The following GPC6 variants were observed in gnomAD, a reference collection of about 807,000 sequenced individuals.
The protein encoded by GPC6 is glypican 6.
A neutral mutation model predicts 55.2 loss-of-function variants in GPC6; 14 were observed. That is an observed-to-expected ratio of 0.25 (90% CI 0.17 to 0.40). The LOEUF (loss-of-function observed/expected upper bound fraction) is 0.40, where lower values mean the gene tolerates loss of function less well. Among genes scored for constraint, GPC6 ranks in the 10% least tolerant of loss-of-function variants. The probability of loss-of-function intolerance (pLI) is 1.00; values close to 1 mark genes in which losing one functional copy is unlikely to be tolerated. For synonymous variants in GPC6, 278 were observed against 259.6 expected (o/e 1.07, Z -0.68); for missense variants, 641 against 708.5 (o/e 0.90, Z 1.08).
chr13:93,963,319 CTT>C (rs539965711), intron 3 of GPC6, among the ~76,000 whole-genome samples: 11 of 151,970 alleles, frequency 7.2e-5, no homozygotes, highest in Non-Finnish European at 1.6e-4. Context: ...CAAATAAACT[CTT>C]TTACTCATTT....
chr13:93,437,816 A>G (rs1412004040), intron 1 of GPC6, among the ~76,000 whole-genome samples: 2 of 152,186 alleles, frequency 1.3e-5, no homozygotes, highest in African/African-American at 4.8e-5. Context: ...TTCAATATAG[A>G]TGAAACAGCC....
Position 93,807,269 on chromosome 13 carries a change from G to C in GPC6, c.320-22885G>C, listed in dbSNP as rs193076540. 4.0e-4 allele frequency among the ~76,000 whole-genome samples: 61 copies of C among 152,256 alleles called. 1 individual carries two copies. The highest frequency in any genetic ancestry group is 1.4e-3 in the African/African-American group (58 of 41,546). ...AATGTAAGTAGCTCCTGCTGTTACAGGTGTTCTCCACTAATGAATAAAAAT... is the reference window on the plus strand; with the variant it reads ...AATGTAAGTAGCTCCTGCTGTTACACGTGTTCTCCACTAATGAATAAAAAT... On this transcript the variant is annotated intron_variant, in intron 2 of 8. Transcript: ENST00000377047.
At chr13:93,419,494 C>G (rs1876844328) in intron 1 of GPC6, among the ~76,000 whole-genome samples, 1 of 152,024 alleles carries the variant, frequency 6.6e-6, no homozygotes, top group African/African-American at 2.4e-5. Context: ...AAATGTATTT[C>G]CTTATCCACT....
In GPC6 at chr13:94,293,398, A is replaced by T. The variant is rs116978764; in HGVS notation, c.1008+6919A>T. On this transcript the variant is annotated intron_variant, in intron 5 of 8. Coordinates refer to ENST00000377047, the MANE Select transcript of GPC6 (RefSeq NM_005708.5). Reference sequence around the variant, plus strand: ...TCCAATGGTTACATAAGTGTTTGACAGTTCCTCCTTCACACACTCTCTCTC... The same window carrying T: ...TCCAATGGTTACATAAGTGTTTGACTGTTCCTCCTTCACACACTCTCTCTC... 1.9e-4 allele frequency among the ~76,000 whole-genome samples: 29 copies of T among 152,268 alleles called. No homozygotes were observed. In the East Asian group the frequency reaches 4.8e-3, roughly 25 times the overall value.
intron 3 of GPC6, among the ~76,000 whole-genome samples, chr13:93,992,127 T>C (rs1485914216): frequency 6.6e-6 from 1 of 151,664 alleles, no homozygotes; most frequent in East Asian, 1.9e-4. Flanking sequence ...TATATGTTTT[T>C]ATGAATAGAT....
chr13:93,594,750 A>T (rs943564272), intron 2 of GPC6, among the ~76,000 whole-genome samples: 9 of 151,868 alleles, frequency 5.9e-5, no homozygotes, highest in African/African-American at 1.9e-4. Context: ...GCACTAGCAG[A>T]TTCAGTGTCT....
intron 4 of GPC6, among the ~76,000 whole-genome samples, chr13:94,095,565 A>G (rs926826680): frequency 2.6e-5 from 4 of 152,156 alleles, no homozygotes; most frequent in African/African-American, 9.7e-5. Context: ...TTACACTTTC[A>G]GGGTATTTGA....
chr13:93,771,074 G>A (rs1040678347), intron 2 of GPC6, among the ~76,000 whole-genome samples: 1 of 152,096 alleles, frequency 6.6e-6, no homozygotes, highest in African/African-American at 2.4e-5. Flanking sequence ...AGTCTGTTCT[G>A]TGCCAAACAT....
intron 2 of GPC6, among the ~76,000 whole-genome samples, chr13:93,653,566 G>A (rs1185472687): frequency 8.0e-6 from 1 of 125,650 alleles, no homozygotes; most frequent in African/African-American, 3.2e-5. Flanking sequence ...ATCCTATGAA[G>A]TATATGGCCG....
At chr13:93,753,188 T>C (rs1170933675) in intron 2 of GPC6, among the ~76,000 whole-genome samples, 6 of 152,168 alleles carry the variant, frequency 3.9e-5, no homozygotes, top group Non-Finnish European at 7.3e-5. Context: ...CTGACCATAG[T>C]GTCTCGTTAC....
intron 3 of GPC6, among the ~76,000 whole-genome samples, chr13:93,962,286 T>C (rs1025605548): frequency 6.6e-6 from 1 of 152,162 alleles, no homozygotes; most frequent in Non-Finnish European, 1.5e-5. Context: ...TTTTTAACCC[T>C]TAAGCATTTG....
At chr13:93,553,910 G>GGGCA (rs68056568) in intron 2 of GPC6, among the ~76,000 whole-genome samples, 3 of 3,012 alleles carry the variant, frequency 1.0e-3, no homozygotes, top group Non-Finnish European at 3.3e-3. Context: ...ATGCTGAGGT[G>GGGCA]GATCACCTGA....
intron 2 of GPC6, among the ~76,000 whole-genome samples, chr13:93,679,351 C>T (rs1308708304): frequency 6.6e-6 from 1 of 152,036 alleles, no homozygotes. Context: ...GAGTGATAAC[C>T]ACTCTAAAGC....
intron 4 of GPC6, among the ~76,000 whole-genome samples, chr13:94,129,527 C>T (rs2138863875): frequency 6.6e-6 from 1 of 152,250 alleles, no homozygotes; most frequent in East Asian, 1.9e-4. Flanking sequence ...TGTGGTTCTG[C>T]CTCCCACTCT....
At chr13:94,183,519 G>T (rs986144927) in intron 4 of GPC6, among the ~76,000 whole-genome samples, 4 of 152,182 alleles carry the variant, frequency 2.6e-5, no homozygotes, top group South Asian at 4.1e-4. Flanking sequence ...ATGGTACTGT[G>T]AACATTGGTA....
intron 4 of GPC6, among the ~76,000 whole-genome samples, chr13:94,070,051 A>G (rs1013050918): frequency 3.3e-5 from 5 of 152,178 alleles, no homozygotes; most frequent in African/African-American, 9.7e-5. Flanking sequence ...GACATATCCG[A>G]GACTGGGCAA....
In GPC6 at chr13:94,322,286, A is replaced by G. The variant is rs1046954681; in HGVS notation, c.1152+16163A>G. Among the ~76,000 whole-genome samples the G allele has an allele frequency of 3.9e-5, 6 of 152,210 alleles. No homozygotes were observed. In the South Asian group the frequency reaches 1.2e-3, roughly 32 times the overall value. On this transcript the variant is annotated intron_variant, in intron 6 of 8. Transcript: ENST00000377047. ...TCCACCATGATTGTGAGGCCTCCCC[A>G]GTCACGTGGAACTGTGAGTCCATTA... is the stretch of plus-strand genomic sequence containing the variant.
At chr13:93,724,328 A>G (rs1229593421) in intron 2 of GPC6, among the ~76,000 whole-genome samples, 1 of 151,942 alleles carries the variant, frequency 6.6e-6, no homozygotes, top group Non-Finnish European at 1.5e-5. Context: ...TAAAGCATGT[A>G]ATTTTGTTCT....
intron 2 of GPC6, among the ~76,000 whole-genome samples, chr13:93,595,052 T>A (rs1178351464): frequency 6.6e-6 from 1 of 152,154 alleles, no homozygotes; most frequent in Non-Finnish European, 1.5e-5. Flanking sequence ...AATTAATATA[T>A]TGCATAGTTT....
Sources: gnomAD v4.1 joint callset for allele counts (sites outside exome capture counted in the v4.1 genomes callset) on GRCh38, gnomAD v4.1.1 for gene constraint, MANE v1.5 for transcripts, NCBI Gene and HGNC (gene_info 2026-07-23, HGNC 2026-07-21) for gene names.